Variants in ROPN1L observed in about 807,000 individuals in gnomAD.
The protein encoded by ROPN1L is ropporin-1-like protein.
ROPN1L carries 23 observed loss-of-function variants against 22.7 expected under a neutral mutation model. The ratio of observed to expected loss-of-function variants is 1.01; its 90% CI spans 0.73 to 1.43. ROPN1L has a LOEUF of 1.43. Among genes scored for constraint, ROPN1L ranks in the 40% most tolerant of loss-of-function variants. ROPN1L has a pLI of 0.00. For missense variants in ROPN1L, 271 were observed against 291.5 expected (o/e 0.93, Z 0.51); for synonymous variants, 116 against 117.8 (o/e 0.98, Z 0.10).
At chr5:10,450,171 A>T (rs1346466784) in intron 3 of ROPN1L, 58 bp downstream of exon 3, 2 of 1,406,708 alleles carry the variant, frequency 1.4e-6, no homozygotes, top group Non-Finnish European at 1.9e-6. Flanking sequence ...CCAGCTTAAA[A>T]ATAATTTAGG....
chr5:10,445,327 A>G (rs1741022776), intron 1 of ROPN1L, among the ~76,000 whole-genome samples: 1 of 152,178 alleles, frequency 6.6e-6, no homozygotes, highest in East Asian at 1.9e-4. Flanking sequence ...GGCAGTATAT[A>G]TGTAATTGTA....
chr5:10,449,921 C>T (rs1741197877), intron 2 of ROPN1L, 31 bp from the exon 3 acceptor site: 1 of 1,582,016 alleles, frequency 6.3e-7, no homozygotes, highest in African/African-American at 1.4e-5. Context: ...TTAAAACATA[C>T]ATAAATTGTC....
At chr5:10,448,904 C>G (rs2967955) in intron 2 of ROPN1L, among the ~76,000 whole-genome samples, 1 of 152,116 alleles carries the variant, frequency 6.6e-6, no homozygotes, top group Non-Finnish European at 1.5e-5. Context: ...ACACGCCATC[C>G]TGTTTTTACA....
chr5:10,449,893 T>C (rs1741197268), intron 2 of ROPN1L, 59 bp from the exon 3 acceptor site: 2 of 1,455,308 alleles, frequency 1.4e-6, no homozygotes, highest in African/African-American at 1.4e-5. Flanking sequence ...ATTCACAGCA[T>C]TCATTGTTTC....
At chr5:10,450,342 A>G (rs563656594) in intron 3 of ROPN1L, among the ~76,000 whole-genome samples, 2 of 152,226 alleles carry the variant, frequency 1.3e-5, no homozygotes, top group Non-Finnish European at 2.9e-5. Flanking sequence ...GATGAAAGAT[A>G]TGGATACTAT....
At chr5:10,444,510 C>T (rs536994463) in intron 1 of ROPN1L, among the ~76,000 whole-genome samples, 10 of 150,518 alleles carry the variant, frequency 6.6e-5, no homozygotes, top group African/African-American at 1.9e-4. Flanking sequence ...AGGCTAGTCT[C>T]GAACTCCTGA....
chr5:10,481,020 G>A, the ROPN1L span, among the ~76,000 whole-genome samples: 119 of 152,158 alleles, frequency 7.8e-4, no homozygotes, highest in African/African-American at 2.6e-3. Flanking sequence ...GAAACCCACC[G>A]CAGTAGCAGA....
downstream of ROPN1L, among the ~76,000 whole-genome samples, chr5:10,476,387 A>C (rs1258203969): frequency 6.6e-6 from 1 of 152,262 alleles, no homozygotes; most frequent in Non-Finnish European, 1.5e-5. Context: ...CAAGATCTGA[A>C]GAGCTTGCAA....
chr5:10,470,039 T>C (rs1410118322), intron 4 of ROPN1L, among the ~76,000 whole-genome samples: 1 of 152,272 alleles, frequency 6.6e-6, no homozygotes, highest in Non-Finnish European at 1.5e-5. Context: ...TTATGTATAC[T>C]AAATTTAGCA....
Position 10,464,394 on chromosome 5 carries a change from C to T in ROPN1L, c.594-454C>T, listed in dbSNP as rs199996325. ...CAGCCTCTGCTTCTGCACCGCCATC[C>T]GGGTCATGCTGGGCCCCTTCTCCTG... On this transcript the variant is annotated intron_variant, in intron 4 of 4. Coordinates refer to ENST00000274134, the MANE Select transcript of ROPN1L (RefSeq NM_031916.5). 1.8e-4 allele frequency among the ~76,000 whole-genome samples: 28 copies of T among 152,366 alleles called. No homozygotes were observed. In the East Asian group the frequency reaches 3.3e-3, roughly 18 times the overall value.
the ROPN1L span, among the ~76,000 whole-genome samples, chr5:10,479,714 G>C: frequency 6.6e-6 from 1 of 152,154 alleles, no homozygotes; most frequent in Non-Finnish European, 1.5e-5. Context: ...CTAAATGCAC[G>C]GCACGGCTTT....
At chr5:10,459,838 C>T (rs1734981253) in intron 3 of ROPN1L, among the ~76,000 whole-genome samples, 1 of 151,458 alleles carries the variant, frequency 6.6e-6, no homozygotes, top group East Asian at 2.0e-4. Flanking sequence ...ACTGTGATCT[C>T]CACATGAGCA....
chr5:10,472,892 G>T (rs186941131), downstream of ROPN1L, among the ~76,000 whole-genome samples: 1 of 152,326 alleles, frequency 6.6e-6, no homozygotes, highest in East Asian at 1.9e-4. Context: ...GGTCCTGCTT[G>T]CCCTGCTCTC....
chr5:10,448,532 C>T (rs374513235), intron 2 of ROPN1L, 149 bp downstream of exon 2: 3 of 887,130 alleles, frequency 3.4e-6, no homozygotes, highest in Admixed American at 3.0e-5. Context: ...TGCCACGCAT[C>T]GTCAAGGTTG....
chr5:10,465,123 C>T, downstream of ROPN1L: 1 of 428,528 alleles, frequency 2.3e-6, no homozygotes, highest in Non-Finnish European at 4.2e-6. Context: ...CTTTTAGGGA[C>T]CTTAAGTGTA....
chr5:10,450,923 G>A (rs992374125), intron 3 of ROPN1L, among the ~76,000 whole-genome samples: 3 of 152,178 alleles, frequency 2.0e-5, no homozygotes, highest in African/African-American at 7.2e-5. Flanking sequence ...CTGGGAGGTC[G>A]GGGCGAGAAG....
intron 3 of ROPN1L, among the ~76,000 whole-genome samples, chr5:10,452,755 A>G (rs529376233): frequency 6.6e-6 from 1 of 152,330 alleles, no homozygotes. Flanking sequence ...AAAGTAGAAT[A>G]ATTCATGTTT....
At chr5:10,463,737 T>C (rs1735095612) in intron 4 of ROPN1L, among the ~76,000 whole-genome samples, 1 of 152,170 alleles carries the variant, frequency 6.6e-6, no homozygotes. Context: ...CCCTGACCCC[T>C]GGAGTTTTGC....
chr5:10,472,030 G>C (rs572981274), downstream of ROPN1L: 98 of 152,340 alleles, frequency 6.4e-4, no homozygotes, highest in African/African-American at 2.2e-3. Context: ...CGGTGGGGGA[G>C]ACTCATACCT....
Sources: allele counts gnomAD v4.1 joint callset (sites outside exome capture counted in the v4.1 genomes callset), GRCh38; gene constraint gnomAD v4.1.1; transcripts MANE v1.5; gene names NCBI Gene and HGNC (gene_info 2026-07-23, HGNC 2026-07-21).